C8orf34: variants seen among roughly 807,000 people sequenced by gnomAD.
The protein encoded by C8orf34 is uncharacterized protein C8orf34.
Under a neutral mutation model 68.3 loss-of-function variants are expected in C8orf34, and 65 were observed. The observed-to-expected ratio is 0.95, with a 90% CI of 0.78 to 1.17. C8orf34 has a LOEUF of 1.17. Among genes scored for constraint, C8orf34 ranks in the 50% most tolerant of loss-of-function variants. C8orf34 has a pLI of 0.00. For synonymous variants in C8orf34, 244 were observed against 241.2 expected (o/e 1.01, Z -0.11); for missense variants, 664 against 655.4 (o/e 1.01, Z -0.14).
At chr8:68,633,210 A>C (rs75323949) in intron 7 of C8orf34, among the ~76,000 whole-genome samples, 5,015 of 152,240 alleles carry the variant, frequency 0.033, 119 homozygotes, top group Non-Finnish European at 0.049. Context: ...AACTTATGTG[A>C]CGAACTAGAT....
At chr8:68,640,774 A>C (rs939607107) in intron 8 of C8orf34, among the ~76,000 whole-genome samples, 1 of 152,204 alleles carries the variant, frequency 6.6e-6, no homozygotes, top group South Asian at 2.1e-4. Flanking sequence ...AATTTCATTC[A>C]CTGTCCACCA....
intron 9 of C8orf34, among the ~76,000 whole-genome samples, chr8:68,710,291 T>A (rs1028681273): frequency 4.6e-5 from 7 of 152,102 alleles, no homozygotes; most frequent in Non-Finnish European, 8.8e-5. Flanking sequence ...ATGCGAAAAT[T>A]TGTGAGTCTT....
At chr8:68,504,460 T>C (rs1813914594) in intron 5 of C8orf34, among the ~76,000 whole-genome samples, 1 of 152,198 alleles carries the variant, frequency 6.6e-6, no homozygotes, top group African/African-American at 2.4e-5. Context: ...TAGGGAATGC[T>C]AGGTCATATG....
intron 8 of C8orf34, among the ~76,000 whole-genome samples, chr8:68,707,845 C>A (rs1821215217): frequency 6.6e-6 from 1 of 152,046 alleles, no homozygotes; most frequent in South Asian, 2.1e-4. Context: ...CACCTCTGTA[C>A]CTTCTCTCTT....
chr8:68,433,406 A>G (rs573834144), intron 1 of C8orf34, among the ~76,000 whole-genome samples: 12 of 152,180 alleles, frequency 7.9e-5, no homozygotes, highest in Non-Finnish European at 1.3e-4. Context: ...CTGCATATGT[A>G]TTGATTTAAC....
intron 1 of C8orf34, among the ~76,000 whole-genome samples, chr8:68,422,596 A>G (rs1010720318): frequency 3.3e-5 from 5 of 152,152 alleles, no homozygotes; most frequent in Admixed American, 6.5e-5. Flanking sequence ...TTTGCCAGGA[A>G]CACAGTGCCA....
chr8:68,702,858 T>C (rs1264549396), intron 8 of C8orf34, among the ~76,000 whole-genome samples: 1 of 152,148 alleles, frequency 6.6e-6, no homozygotes, highest in Non-Finnish European at 1.5e-5. Flanking sequence ...TATTTAAAAC[T>C]CCCTCCTCAT....
intron 4 of C8orf34, among the ~76,000 whole-genome samples, chr8:68,482,428 G>GT (rs2129631146): frequency 6.6e-6 from 1 of 152,226 alleles, no homozygotes; most frequent in East Asian, 1.9e-4. Flanking sequence ...TATAAAGGGT[G>GT]TTTTTTAAAA....
chr8:68,552,865 A>G (rs1816120602), intron 7 of C8orf34, among the ~76,000 whole-genome samples: 1 of 151,862 alleles, frequency 6.6e-6, no homozygotes, highest in South Asian at 2.1e-4. Context: ...TTGTATTAAT[A>G]TTTTATTTAT....
chr8:68,549,489 A>G (rs1815993868), intron 7 of C8orf34, among the ~76,000 whole-genome samples: 1 of 151,762 alleles, frequency 6.6e-6, no homozygotes, highest in Admixed American at 6.6e-5. Context: ...GAAATATTTT[A>G]TATTGATACA....
chr8:68,380,376 G>A (rs1807981724), intron 1 of C8orf34, among the ~76,000 whole-genome samples: 1 of 152,194 alleles, frequency 6.6e-6, no homozygotes, highest in Non-Finnish European at 1.5e-5. Context: ...GAATAAAAGA[G>A]GCTTGAAGAG....
chr8:68,567,529 TTGCTAA>T (rs1816626357), intron 7 of C8orf34, among the ~76,000 whole-genome samples: 1 of 151,270 alleles, frequency 6.6e-6, no homozygotes, highest in Non-Finnish European at 1.5e-5. Flanking sequence ...GTGGTTAATC[TTGCTAA>T]TGATGTATCA....
chr8:68,565,451 A>C (rs544021751), intron 7 of C8orf34, among the ~76,000 whole-genome samples: 1 of 152,336 alleles, frequency 6.6e-6, no homozygotes, highest in South Asian at 2.1e-4. Flanking sequence ...GGATATGCAA[A>C]GCAGGCCTTT....
intron 7 of C8orf34, among the ~76,000 whole-genome samples, chr8:68,587,787 A>G (rs1359385994): frequency 6.6e-6 from 1 of 152,154 alleles, no homozygotes; most frequent in Non-Finnish European, 1.5e-5. Flanking sequence ...ACATGGCTAC[A>G]TGGACAAAGA....
At chr8:68,506,934 G>A (rs1036307246) in intron 5 of C8orf34, among the ~76,000 whole-genome samples, 11 of 152,036 alleles carry the variant, frequency 7.2e-5, no homozygotes, top group Non-Finnish European at 1.0e-4. Flanking sequence ...TGATACGCAT[G>A]CTTTTTCTGC....
At chr8:68,577,534 T>C (rs538837258) in intron 7 of C8orf34, among the ~76,000 whole-genome samples, 26 of 151,974 alleles carry the variant, frequency 1.7e-4, no homozygotes, top group Non-Finnish European at 2.5e-4. Flanking sequence ...AATTATTATA[T>C]GCATTATTAA....
rs1023378851 is a variant in C8orf34, at chr8:68,538,057, A to T, written c.1105+4908A>T. 4.6e-5 allele frequency among the ~76,000 whole-genome samples: 7 copies of T among 152,216 alleles called. No homozygotes were observed. In the South Asian group the frequency reaches 6.2e-4, roughly 13 times the overall value. On this transcript the variant is annotated intron_variant, in intron 7 of 13. Coordinates refer to ENST00000518698, the MANE Select transcript of C8orf34 (RefSeq NM_052958.4). ...TTATTGACAAATGCCTTTTATCTCA[A>T]TTATACACCTATTGGAAAATTTCTT... is the stretch of plus-strand genomic sequence containing the variant.
intron 7 of C8orf34, among the ~76,000 whole-genome samples, chr8:68,619,957 AG>A (rs2130626006): frequency 6.6e-6 from 1 of 152,326 alleles, no homozygotes; most frequent in East Asian, 1.9e-4. Context: ...CTGGGTGTGT[AG>A]GGTATAGAAA....
intron 10 of C8orf34, among the ~76,000 whole-genome samples, chr8:68,775,257 A>C (rs1184335787): frequency 6.6e-6 from 1 of 152,090 alleles, no homozygotes; most frequent in Non-Finnish European, 1.5e-5. Flanking sequence ...AGTTAAAAAG[A>C]TTCTGTAGAA....
Sources: allele counts gnomAD v4.1 joint callset (sites outside exome capture counted in the v4.1 genomes callset), GRCh38; gene constraint gnomAD v4.1.1; transcripts MANE v1.5; gene names NCBI Gene and HGNC (gene_info 2026-07-23, HGNC 2026-07-21).